The following WDR13 variants were observed in gnomAD, a reference collection of about 807,000 sequenced individuals.
The protein encoded by WDR13 is WD repeat-containing protein 13.
A neutral mutation model predicts 28.6 loss-of-function variants in WDR13; 1 was observed. The observed-to-expected ratio is 0.03, with a 90% CI of 0.01 to 0.17. The LOEUF is 0.17. Ranked by LOEUF, WDR13 falls within the 10% of genes least tolerant of loss-of-function variation. WDR13 has a pLI of 1.00. For synonymous variants in WDR13, 201 were observed against 185.9 expected, an observed-to-expected ratio of 1.08 and a Z score of -0.66; for missense variants, 264 against 469.3, an observed-to-expected ratio of 0.56 and a Z score of 4.04.
In WDR13 at chrX:48,608,385, G is replaced by A. The variant is rs1192086643; in HGVS notation, c.*3353G>A. On this transcript the variant is annotated 3_prime_UTR_variant, in exon 10 of 10. Transcript: ENST00000376729. ...CTCACCTTGGCCTACCAAAGTGCTG[G>A]CGTTACAGGTGTGAGCCACCACACC... is the stretch of plus-strand genomic sequence containing the variant. 2 of 111,593 alleles carry A rather than the reference G, an allele frequency of 1.8e-5. No individual in the cohort carries two copies. The highest frequency in any genetic ancestry group is 6.5e-5 in the African/African-American group (2 of 30,649). 9.2% of individuals were successfully genotyped at this position (111,593 alleles called of 1,213,427 possible).
chrX:48,599,980 C>G (rs1474759399), intron 5 of WDR13: 1 of 431,931 alleles, frequency 2.3e-6, no homozygotes, highest in Non-Finnish European at 3.9e-6. Flanking sequence ...AAAGCCTTTG[C>G]TGATGATAAA....
At position 48,602,108 on chromosome X, in the gene WDR13, C is replaced by T. The variant is rs2062190898; in HGVS notation, c.1056C>T (p.Ser352=). The change falls in exon 8 of 10, where the codon AGC becomes AGT. Residue 352 remains serine, a synonymous_variant. Coordinates refer to ENST00000376729, the MANE Select transcript of WDR13 (RefSeq NM_001347217.2). ...KAKRLVVHEG[S]PVTSISARSW... The stretch of plus-strand genomic sequence containing the variant: ...AGCGTTTGGTGGTGCATGAGGGGAG[C>T]CCTGTGACCAGCATCTCAGCCCGGT... 2 of 1,211,756 alleles carry T rather than the reference C, an allele frequency of 1.7e-6. No homozygotes were observed. The highest frequency in any genetic ancestry group is 5.9e-5 in the East Asian group (2 of 33,826).
In WDR13 at chrX:48,604,276, G is replaced by A. The variant is rs1556995425; in HGVS notation, c.1159G>A (p.Val387Ile). The change falls in exon 9 of 10, where the codon GTA (valine) becomes ATA (isoleucine). Residue 387 changes from valine (V) to isoleucine (I), a missense_variant. Coordinates refer to ENST00000376729, the MANE Select transcript of WDR13 (RefSeq NM_001347217.2). ...CCCACTCTCTCATCCTCTCAGGGTG[G>A]TAGACAACGAGGGGACCCTGCAGCT... ...CLNKLLLYRV[V>I]DNEGTLQLKR... 1.7e-6 allele frequency: 2 copies of A among 1,210,738 alleles called. No individual in the cohort carries two copies. Among genetic ancestry groups the A allele is most frequent in the East Asian group, 3.0e-5 (1 of 33,852 alleles).
chrX:48,599,783 A>T (rs1185587035), intron 5 of WDR13, 66 bp downstream of exon 5: 9 of 1,190,556 alleles, frequency 7.6e-6, no homozygotes, highest in Non-Finnish European at 1.0e-5. Flanking sequence ...CAACCAAGGC[A>T]TCCTTTTCTG....
chrX:48,598,864 C>T lies in WDR13; in HGVS notation c.189C>T (p.Gly63=). 1.7e-6 allele frequency: 2 copies of T among 1,208,293 alleles called. No individual in the cohort carries two copies. Among genetic ancestry groups the T allele is most frequent in the South Asian group, 1.8e-5 (1 of 56,549 alleles). ...TGAGGCTTCGGGGGCAGCTGCTGGG[C>T]CAGCGCTACGGGCCCCTCTCCGAGC... ...QYLRLRGQLL[G]QRYGPLSEPG... Residue 63 remains glycine, a synonymous_variant, in exon 3 of 10, where the codon GGC becomes GGT. Transcript: ENST00000376729.
chrX:48,598,602 C>A, intron 2 of WDR13, 115 bp from the exon 3 acceptor site: 1 of 1,098,373 alleles, frequency 9.1e-7, no homozygotes, highest in East Asian at 3.2e-5. Context: ...TCATTCTTAC[C>A]ACCTAGGCCC....
intron 3 of WDR13, 118 bp from the exon 4 acceptor site, chrX:48,599,235 G>T: frequency 1.5e-6 from 1 of 646,063 alleles, no homozygotes; most frequent in Non-Finnish European, 2.3e-6. Flanking sequence ...CAGCGGTGGT[G>T]GTGGCAGGGG....
chrX:48,597,952 C>T lies in WDR13; in HGVS notation c.-39-6C>T. ...GACGCTCACATTCCAGGCCCTTGTC[C>T]TGCAGGCTGCCGCGGGCGGACACGC... On this transcript the variant is annotated splice_polypyrimidine_tract_variant and splice_region_variant and intron_variant, in intron 1 of 9. Transcript: ENST00000376729. 8.6e-7 allele frequency: 1 copy of T among 1,164,230 alleles called. No homozygotes were observed.
chrX:48,598,113 C>T (rs782732193), intron 2 of WDR13, 76 bp downstream of exon 2: 4 of 1,154,013 alleles, frequency 3.5e-6, no homozygotes, highest in African/African-American at 3.6e-5. Flanking sequence ...TGAGGCTGGG[C>T]GGAGAACTTG....
At chrX:48,600,824 A>G (rs1410881087) in intron 6 of WDR13, 198 bp downstream of exon 6, 5 of 464,904 alleles carry the variant, frequency 1.1e-5, no homozygotes, top group African/African-American at 1.0e-4. Flanking sequence ...GGCCAGGCGC[A>G]GTGGCTCACG....
rs1044991776 is a variant in WDR13 at position 48,607,187 on chromosome X, A to G, written c.*2155A>G. On this transcript the variant is annotated 3_prime_UTR_variant, in exon 10 of 10. Transcript: ENST00000376729. ...AAATCAGCAAAAAGAAATGGTGTGC[A>G]GGACCAACTCCCAGAGAGACCCAGG... 7 of 110,904 alleles carry G rather than the reference A, an allele frequency of 6.3e-5. No homozygotes were observed. The highest frequency in any genetic ancestry group is 2.0e-4 in the African/African-American group (6 of 30,518). The allele number at this position is 110,904 out of a possible 1,213,427, so 9.1% of individuals were successfully genotyped here. A position where few individuals can be genotyped will look rare whatever the true frequency, so the allele number is the denominator to read the frequency against.
At chrX:48,601,639 G>C (rs1199971097) in intron 6 of WDR13, 145 bp from the exon 7 acceptor site, 4 of 571,454 alleles carry the variant, frequency 7.0e-6, no homozygotes, top group African/African-American at 2.3e-5. Context: ...ATTCATGCCT[G>C]GTCACCTTGT....
intron 5 of WDR13, chrX:48,600,118 G>C (rs1360544663): frequency 4.6e-6 from 2 of 438,349 alleles, no homozygotes; most frequent in East Asian, 7.8e-5. Context: ...ATCTGCAAAG[G>C]AGCTGCTAAG....
chrX:48,604,210 C>G, intron 8 of WDR13, 62 bp from the exon 9 acceptor site: 1 of 1,068,821 alleles, frequency 9.4e-7, no homozygotes, highest in Admixed American at 2.2e-5. Context: ...GGACACAGGC[C>G]CACAACTTGT....
rs1034684999 is a variant in WDR13, at chrX:48,602,541, T to C, written c.1154+335T>C. Among the ~76,000 whole-genome samples the C allele has an allele frequency of 6.0e-4, 63 of 105,738 alleles. 5 individuals carry two copies. Among genetic ancestry groups the C allele is most frequent in the Non-Finnish European group, 1.4e-4 (7 of 51,110 alleles). 91.8% of individuals were successfully genotyped at this position (105,738 alleles called of 115,157 possible). A position where few individuals can be genotyped will look rare whatever the true frequency, so the allele number is the denominator to read the frequency against. ...CTTTCTTCCTTCCTTCCTTTTTTTTTTTTTTTTTTTGCGGGGAGTAGTGTG... is the reference window on the plus strand; with the variant it reads ...CTTTCTTCCTTCCTTCCTTTTTTTTCTTTTTTTTTTGCGGGGAGTAGTGTG... On this transcript the variant is annotated intron_variant, in intron 8 of 9. Transcript: ENST00000376729.
At position 48,605,054 on chromosome X, in the gene WDR13, G is replaced by A; in HGVS notation, c.*22G>A. On this transcript the variant is annotated 3_prime_UTR_variant, in exon 10 of 10. Coordinates refer to ENST00000376729, the MANE Select transcript of WDR13 (RefSeq NM_001347217.2). ...GTAGGGTCCTGTCGGCCCTGCTGCT[G>A]TCCTCCATCCCACCCCTCTTACTCC... The A allele has an allele frequency of 8.4e-7, 1 of 1,189,945 alleles. No homozygotes were observed. Among genetic ancestry groups the A allele is most frequent in the Non-Finnish European group, 1.1e-6 (1 of 879,950 alleles).
In WDR13 at chrX:48,604,405, G is replaced by A. The variant is rs943236978; in HGVS notation, c.1273+15G>A. On this transcript the variant is annotated intron_variant, in intron 9 of 9. Transcript: ENST00000376729. ...GGCCTGCGTGGGTGAGTCCTGTAGG[G>A]ACAGGGGATCTGGGTGGCTGGGGAG... The A allele has an allele frequency of 7.5e-6, 9 of 1,195,782 alleles. No homozygotes were observed. The African/African-American group carries it at 1.2e-4, about 16-fold the overall frequency.
chrX:48,604,510 T>C, intron 9 of WDR13, 120 bp downstream of exon 9: 1 of 582,954 alleles, frequency 1.7e-6, no homozygotes, highest in Non-Finnish European at 2.7e-6. Context: ...TCATGACCCC[T>C]CCTGCCCCAA....
chrX:48,598,395 A>G (rs1242143191), intron 2 of WDR13: 2 of 1,004,311 alleles, frequency 2.0e-6, no homozygotes, highest in East Asian at 4.3e-5. Context: ...GCTGACCCCC[A>G]TAATGTCAGT....
Sources: gnomAD v4.1 joint callset for allele counts (sites outside exome capture counted in the v4.1 genomes callset) on GRCh38, gnomAD v4.1.1 for gene constraint, MANE v1.5 for transcripts, NCBI Gene and HGNC (gene_info 2026-07-23, HGNC 2026-07-21) for gene names.